Variants in PRR33 observed in about 807,000 individuals in gnomAD.
The protein encoded by PRR33 is proline rich 33.
In PRR33, 1 loss-of-function variant was observed where a neutral mutation model predicts 0.5. The ratio of observed to expected loss-of-function variants is 2.18; its 90% CI spans 0.77 to 10.34. PRR33 has a LOEUF of 10.34. PRR33 is among the 30% of genes most tolerant of loss of function. PRR33 has a pLI of 0.13. For synonymous variants in PRR33, 226 were observed against 110.0 expected (o/e 2.06, Z -6.60); for missense variants, 552 against 251.8 (o/e 2.19, Z -8.07).
chr11:1,905,782 C>T, the PRR33 span, among the ~76,000 whole-genome samples: 1 of 151,872 alleles, frequency 6.6e-6, no homozygotes, highest in African/African-American at 2.4e-5. Context: ...ACAGGCAGCA[C>T]AGAGTTGGGC....
upstream of PRR33, chr11:1,891,911 A>G (rs1251103266): frequency 6.7e-6 from 1 of 148,710 alleles, no homozygotes; most frequent in Non-Finnish European, 1.5e-5. Context: ...CTTTGATGCC[A>G]TCCGCTGCCA....
rs1360036528 is a variant in PRR33, at chr11:1,889,844, T to C, written c.741A>G (p.Val247=). Residue 247 remains valine, a synonymous_variant, in exon 1 of 1, where the codon GTA becomes GTG. Coordinates refer to ENST00000640310, the Ensembl canonical transcript of PRR33. ...CCTGGAAGCCGGGTGGCGGCCGTGG[T>C]ACAGGGGGCTCCTCAGGCAAGGGAC... 6 of 634,038 alleles carry C rather than the reference T, an allele frequency of 9.5e-6. No individual in the cohort carries two copies. In the Admixed American group the frequency reaches 1.6e-4, roughly 17 times the overall value. The allele number at this position is 634,038 out of a possible 1,614,324, so 39.3% of individuals were successfully genotyped here.
chr11:1,895,007 G>A (rs925228075), upstream of PRR33, among the ~76,000 whole-genome samples: 21 of 152,216 alleles, frequency 1.4e-4, no homozygotes, highest in African/African-American at 4.6e-4. Flanking sequence ...CAGGGGTGCC[G>A]TGCAGCTTTG....
chr11:1,889,839 C>T (rs377502508), exon 1 of PRR33: 18 of 634,488 alleles, frequency 2.8e-5, no homozygotes, highest in South Asian at 2.0e-4. Context: ...GGGTGGCGGC[C>T]GTGGTACAGG....
exon 1 of PRR33, chr11:1,890,195 G>A (rs1340618554): frequency 1.4e-6 from 1 of 717,038 alleles, no homozygotes; most frequent in Admixed American, 2.0e-5. Flanking sequence ...TGGAGAACGT[G>A]GACTTCTGCA....
the PRR33 span, among the ~76,000 whole-genome samples, chr11:1,898,513 G>C: frequency 4.6e-5 from 7 of 152,102 alleles, no homozygotes; most frequent in Non-Finnish European, 1.0e-4. Flanking sequence ...GGGATTACAG[G>C]CGTGAGCCAC....
chr11:1,901,968 CACGCCTGT>C, the PRR33 span, among the ~76,000 whole-genome samples: 1 of 152,012 alleles, frequency 6.6e-6, no homozygotes, highest in Non-Finnish European at 1.5e-5. Flanking sequence ...CGCGGTGGCT[CACGCCTGT>C]AATCCCAGCA....
chr11:1,891,288 A>G (rs1848991630), exon 1 of PRR33: 1 of 152,086 alleles, frequency 6.6e-6, no homozygotes, highest in Non-Finnish European at 1.5e-5. Context: ...ACATTGACAA[A>G]TGGCATCTGT....
chr11:1,898,872 G>T, the PRR33 span, among the ~76,000 whole-genome samples: 268 of 152,244 alleles, frequency 1.8e-3, 1 homozygote, highest in African/African-American at 6.1e-3. Flanking sequence ...TTGGTGGTAG[G>T]TGCCTGTAAT....
chr11:1,916,131 G>A, the PRR33 span, among the ~76,000 whole-genome samples: 2 of 152,078 alleles, frequency 1.3e-5, no homozygotes, highest in Non-Finnish European at 2.9e-5. Context: ...ATGGACAACT[G>A]TGTGAAATAG....
chr11:1,892,527 A>G (rs775362431), upstream of PRR33, among the ~76,000 whole-genome samples: 8 of 152,238 alleles, frequency 5.3e-5, no homozygotes, highest in Admixed American at 3.9e-4. Flanking sequence ...GACTAGCCCA[A>G]TATAAACTTC....
chr11:1,889,315 C>T (rs1589835091), exon 1 of PRR33: 1 of 707,670 alleles, frequency 1.4e-6, no homozygotes. Flanking sequence ...GGGGTGTGCT[C>T]CCCACCGCTG....
chr11:1,902,043 T>G, the PRR33 span, among the ~76,000 whole-genome samples: 11 of 151,980 alleles, frequency 7.2e-5, no homozygotes, highest in African/African-American at 2.7e-4. Context: ...CCATCCTGGC[T>G]AACATGGTGA....
At chr11:1,910,685 G>A in the PRR33 span, among the ~76,000 whole-genome samples, 6 of 152,152 alleles carry the variant, frequency 3.9e-5, no homozygotes, top group African/African-American at 1.4e-4. Flanking sequence ...CTCAATCAAC[G>A]ATCCCATCAA....
At chr11:1,892,501 T>C (rs987630885), upstream of PRR33, among the ~76,000 whole-genome samples, 1 of 152,222 alleles carries the variant, frequency 6.6e-6, no homozygotes, top group Non-Finnish European at 1.5e-5. Flanking sequence ...GTCTGTGATA[T>C]CCCTACCCCA....
the PRR33 span, among the ~76,000 whole-genome samples, chr11:1,914,091 C>A: frequency 6.6e-6 from 1 of 152,286 alleles, no homozygotes; most frequent in African/African-American, 2.4e-5. Flanking sequence ...CCGGTTCCCA[C>A]CTGTGCATTA....
rs533631131 is a variant in PRR33, at chr11:1,888,988, C to T, written c.*157G>A. 8 of 541,496 alleles carry T rather than the reference C, an allele frequency of 1.5e-5. No homozygotes were observed. In the South Asian group the frequency reaches 1.7e-4, roughly 12 times the overall value. The allele number at this position is 541,496 out of a possible 1,614,324, so 33.5% of individuals were successfully genotyped here. A position where few individuals can be genotyped will look rare whatever the true frequency, so the allele number is the denominator to read the frequency against. On this transcript the variant is annotated 3_prime_UTR_variant, in exon 1 of 1. Transcript: ENST00000640310. ...CACCCTCCTAACCATGCAGACTTCC[C>T]TCAGCACCCCATGTGCCCTTCCCAG...
At chr11:1,893,505 A>G (rs1368951143), upstream of PRR33, among the ~76,000 whole-genome samples, 6 of 147,828 alleles carry the variant, frequency 4.1e-5, no homozygotes, top group African/African-American at 1.5e-4. Context: ...GAAAGGAGGG[A>G]TGCATGAGTG....
chr11:1,911,903 G>A, the PRR33 span, among the ~76,000 whole-genome samples: 6 of 147,434 alleles, frequency 4.1e-5, no homozygotes, highest in East Asian at 6.3e-4. Flanking sequence ...GGTCTCACCT[G>A]TAATCCCAGC....
Sources: allele counts gnomAD v4.1 joint callset (sites outside exome capture counted in the v4.1 genomes callset), GRCh38; gene constraint gnomAD v4.1.1; transcripts MANE v1.5; gene names NCBI Gene and HGNC (gene_info 2026-07-23, HGNC 2026-07-21).